Variants in UBE2E1 observed in about 807,000 individuals in gnomAD.
UBE2E1 encodes ubiquitin-conjugating enzyme E2 E1.
Under a neutral mutation model 21.4 loss-of-function variants are expected in UBE2E1, and 6 were observed. The ratio of observed to expected loss-of-function variants is 0.28; its 90% CI spans 0.15 to 0.55. UBE2E1 has a LOEUF of 0.55. Ranked by LOEUF, UBE2E1 falls within the 20% of genes least tolerant of loss-of-function variation. The pLI is 0.93. For missense variants in UBE2E1, 142 were observed against 236.5 expected (o/e 0.60, Z 2.62); for synonymous variants, 87 against 82.7 (o/e 1.05, Z -0.28).
chr3:23,812,161 A>G (rs1699408691), intron 3 of UBE2E1, among the ~76,000 whole-genome samples: 1 of 152,158 alleles, frequency 6.6e-6, no homozygotes, highest in South Asian at 2.1e-4. Context: ...TATTTAGAGA[A>G]GCCATTTTGC....
At chr3:23,821,056 A>G (rs1407336210) in intron 3 of UBE2E1, among the ~76,000 whole-genome samples, 1 of 152,236 alleles carries the variant, frequency 6.6e-6, no homozygotes, top group African/African-American at 2.4e-5. Flanking sequence ...TCAGATCGTA[A>G]TCATTTAAAA....
chr3:23,868,550 G>A (rs553804459), intron 3 of UBE2E1, among the ~76,000 whole-genome samples: 10 of 151,866 alleles, frequency 6.6e-5, no homozygotes, highest in African/African-American at 1.2e-4. Flanking sequence ...CTTGTGATCC[G>A]CCTGCCTCAG....
chr3:23,817,406 A>G (rs1699548878), intron 3 of UBE2E1, among the ~76,000 whole-genome samples: 1 of 143,032 alleles, frequency 7.0e-6, no homozygotes, highest in Non-Finnish European at 1.5e-5. Flanking sequence ...TGGTTGACAG[A>G]GTGAGACTCT....
chr3:23,807,202 T>C, intron 1 of UBE2E1, 35 bp from the exon 2 acceptor site: 1 of 1,524,954 alleles, frequency 6.6e-7, no homozygotes, highest in South Asian at 1.2e-5. Flanking sequence ...GCTGCATGGT[T>C]TGTGTGTTTC....
At chr3:23,865,451 C>G (rs1000431729) in intron 3 of UBE2E1, among the ~76,000 whole-genome samples, 25 of 152,272 alleles carry the variant, frequency 1.6e-4, no homozygotes, top group African/African-American at 5.1e-4. Flanking sequence ...CTTCCTAGGG[C>G]TCAGGTGATC....
chr3:23,868,057 A>G (rs1355006962), intron 3 of UBE2E1, among the ~76,000 whole-genome samples: 2 of 152,206 alleles, frequency 1.3e-5, no homozygotes, highest in African/African-American at 2.4e-5. Context: ...GTGGGTCACT[A>G]TTGAAAACAT....
At chr3:23,819,246 T>G (rs1699594424) in intron 3 of UBE2E1, among the ~76,000 whole-genome samples, 1 of 152,142 alleles carries the variant, frequency 6.6e-6, no homozygotes, top group South Asian at 2.1e-4. Context: ...ATTGCGCCAC[T>G]GCACTCCAGC....
chr3:23,808,396 T>G lies in UBE2E1; in HGVS notation c.152+975T>G, dbSNP rs1699321323. On this transcript the variant is annotated intron_variant, in intron 2 of 5. Transcript: ENST00000306627. The surrounding 1 kb of genome is among the most constrained non-coding windows in gnomAD (Gnocchi z 4.9). ...CCTTCTGCTCTCAGAGTTAGGCAGT[T>G]GTTAAAAAGGTGGCAAACCAGGAAG... 6.6e-6 allele frequency among the ~76,000 whole-genome samples: 1 copy of G among 152,182 alleles called. No individual in the cohort carries two copies. Among genetic ancestry groups the G allele is most frequent in the African/African-American group, 2.4e-5 (1 of 41,442 alleles).
intron 3 of UBE2E1, among the ~76,000 whole-genome samples, chr3:23,886,098 G>A (rs1363878066): frequency 6.6e-6 from 1 of 152,134 alleles, no homozygotes; most frequent in Non-Finnish European, 1.5e-5. Flanking sequence ...CTACTCAGGT[G>A]GCTAAGGTGG....
chr3:23,872,124 A>G (rs991931114), intron 3 of UBE2E1, among the ~76,000 whole-genome samples: 1 of 152,132 alleles, frequency 6.6e-6, no homozygotes, highest in African/African-American at 2.4e-5. Context: ...CAATCCCGGC[A>G]CCTCGGGAGG....
At chr3:23,889,693 T>C in intron 5 of UBE2E1, 1 of 985,386 alleles carries the variant, frequency 1.0e-6, no homozygotes, top group Non-Finnish European at 1.2e-6. Flanking sequence ...TTGAAAATGG[T>C]AGTTGTTAAA....
At position 23,863,372 on chromosome 3, in the gene UBE2E1, G is replaced by C. The variant is rs946441099; in HGVS notation, c.204-24195G>C. ...CTTGCTTGACTACCTCCCTCCCCAA[G>C]TTATTCTCTCACCTTTTCCCCTCTC... On this transcript the variant is annotated intron_variant, in intron 3 of 5. Coordinates refer to ENST00000306627, the MANE Select transcript of UBE2E1 (RefSeq NM_003341.5). This position sits in a 1 kb window ranked among gnomAD's most constrained non-coding sequence, Gnocchi z 4.3. Among the ~76,000 whole-genome samples the C allele has an allele frequency of 3.3e-5, 5 of 151,842 alleles. No individual in the cohort carries two copies. Among genetic ancestry groups the C allele is most frequent in the Admixed American group, 2.6e-4 (4 of 15,228 alleles).
In UBE2E1 at chr3:23,842,134, A is replaced by G. The variant is rs1454305135; in HGVS notation, c.203+30624A>G. Among the ~76,000 whole-genome samples, 1 of 150,234 alleles carries G rather than the reference A, an allele frequency of 6.7e-6. No homozygotes were observed. Among genetic ancestry groups the G allele is most frequent in the African/African-American group, 2.4e-5 (1 of 40,938 alleles). On this transcript the variant is annotated intron_variant, in intron 3 of 5. Coordinates refer to ENST00000306627, the MANE Select transcript of UBE2E1 (RefSeq NM_003341.5). The surrounding 1 kb of genome is among the most constrained non-coding windows in gnomAD (Gnocchi z 4.6). ...TGGTTTGACTATAATGGGCAGTGGA[A>G]TCTCAGATGTTAGGATCAGGTAAGA...
At chr3:23,809,524 ACT>A (rs773200933) in intron 2 of UBE2E1, among the ~76,000 whole-genome samples, 6 of 152,000 alleles carry the variant, frequency 3.9e-5, no homozygotes, top group Admixed American at 2.0e-4. Flanking sequence ...AACAAGAATG[ACT>A]CTCTGGAAAT....
chr3:23,810,635 T>A lies in UBE2E1; in HGVS notation c.153-825T>A. On this transcript the variant is annotated intron_variant, in intron 2 of 5. Coordinates refer to ENST00000306627, the MANE Select transcript of UBE2E1 (RefSeq NM_003341.5). The surrounding 1 kb of genome is among the most constrained non-coding windows in gnomAD (Gnocchi z 5.8). ...CCACTTGGGGTCTGTGGTGCCCGAG[T>A]GGCGGGCGGGGGTGTTCGCGCCCTG... The A allele has an allele frequency of 9.0e-7, 1 of 1,113,746 alleles. No individual in the cohort carries two copies. Among genetic ancestry groups the A allele is most frequent in the Non-Finnish European group, 1.2e-6 (1 of 813,692 alleles). 69.0% of individuals were successfully genotyped at this position (1,113,746 alleles called of 1,614,324 possible). A position where few individuals can be genotyped will look rare whatever the true frequency, so the allele number is the denominator to read the frequency against.
At chr3:23,879,271 C>G in intron 3 of UBE2E1, 1 of 859,334 alleles carries the variant, frequency 1.2e-6, no homozygotes, top group Admixed American at 2.0e-5. Flanking sequence ...TCCTAAACAC[C>G]TACATCCCAG....
intron 3 of UBE2E1, among the ~76,000 whole-genome samples, chr3:23,814,154 C>T (rs890785900): frequency 6.8e-6 from 1 of 146,560 alleles, no homozygotes; most frequent in Non-Finnish European, 1.5e-5. Flanking sequence ...GACCCTGTCT[C>T]AAAAAAAAAA....
chr3:23,852,591 T>C (rs932229770), intron 3 of UBE2E1, among the ~76,000 whole-genome samples: 1 of 152,192 alleles, frequency 6.6e-6, no homozygotes, highest in Non-Finnish European at 1.5e-5. Context: ...GAATACTTTT[T>C]ATTTCTCTTT....
Position 23,823,506 on chromosome 3 carries a change from T to TA in UBE2E1, c.203+11997dup, listed in dbSNP as rs1448260017. On this transcript the variant is annotated intron_variant, in intron 3 of 5. Coordinates refer to ENST00000306627, the MANE Select transcript of UBE2E1 (RefSeq NM_003341.5). This position sits in a 1 kb window ranked among gnomAD's most constrained non-coding sequence, Gnocchi z 4.2. Reference sequence around the variant, plus strand: ...AATTTAAATTGTTCCTACTACCACTTACAACCTTTCCTCCTCTATGGGGGT... The same window carrying TA: ...AATTTAAATTGTTCCTACTACCACTTAACAACCTTTCCTCCTCTATGGGGGT... Among the ~76,000 whole-genome samples the TA allele has an allele frequency of 6.6e-6, 1 of 152,226 alleles. No homozygotes were observed. Among genetic ancestry groups the TA allele is most frequent in the African/African-American group, 2.4e-5 (1 of 41,458 alleles).
Sources: allele counts gnomAD v4.1 joint callset (sites outside exome capture counted in the v4.1 genomes callset), GRCh38; gene constraint gnomAD v4.1.1; non-coding constraint Gnocchi (gnomAD v3.1); transcripts MANE v1.5; gene names NCBI Gene and HGNC (gene_info 2026-07-23, HGNC 2026-07-21).